The following LONP2 variants were observed in gnomAD, a reference collection of about 807,000 sequenced individuals.
LONP2 encodes lon protease homolog 2, peroxisomal.
In LONP2, 60 loss-of-function variants were observed where a neutral mutation model predicts 85.6. The ratio of observed to expected loss-of-function variants is 0.70; its 90% CI spans 0.57 to 0.87. The LOEUF is 0.87. Ranked by LOEUF, LONP2 falls within the 40% of genes least tolerant of loss-of-function variation. The pLI is 0.00. For missense variants in LONP2, 860 were observed against 1,063.5 expected, an observed-to-expected ratio of 0.81 and a Z score of 2.66; for synonymous variants, 395 against 389.7, an observed-to-expected ratio of 1.01 and a Z score of -0.16.
intron 11 of LONP2, among the ~76,000 whole-genome samples, chr16:48,312,793 G>T (rs1010629365): frequency 1.3e-5 from 2 of 152,202 alleles, no homozygotes; most frequent in East Asian, 3.9e-4. Flanking sequence ...CTGCAGATGA[G>T]CGTCAGCTGC....
Position 48,351,923 on chromosome 16 carries a change from A to T in LONP2, c.*121A>T. On this transcript the variant is annotated 3_prime_UTR_variant, in exon 15 of 15. Transcript: ENST00000285737. ...TCCCTGTTTTATAAACATAATCACA[A>T]CAGTAATAAACCTCAAGTAGTGGCT... 1.4e-6 allele frequency: 1 copy of T among 695,934 alleles called. No homozygotes were observed. The allele number at this position is 695,934 out of a possible 1,614,324, so 43.1% of individuals were successfully genotyped here.
At chr16:48,287,341 A>C (rs2150988921) in intron 8 of LONP2, among the ~76,000 whole-genome samples, 1 of 152,362 alleles carries the variant, frequency 6.6e-6, no homozygotes, top group African/African-American at 2.4e-5. Flanking sequence ...GGCTTTTCAA[A>C]GTCCCCATGA....
intron 12 of LONP2, among the ~76,000 whole-genome samples, chr16:48,341,955 C>G (rs1416097639): frequency 1.3e-5 from 2 of 152,150 alleles, no homozygotes; most frequent in African/African-American, 4.8e-5. Context: ...CCCTTTCACT[C>G]TGTCACTGGG....
Position 48,277,462 on chromosome 16 carries a change from G to A in LONP2, c.1366G>A (p.Ala456Thr), listed in dbSNP as rs774269697. The change falls in exon 8 of 15, where the codon GCA becomes ACA. Residue 456 changes from alanine (A) to threonine (T), a missense_variant. Ala to Thr is a moderately conservative substitution (Grantham distance 58, BLOSUM62 0). Coordinates refer to ENST00000285737, the MANE Select transcript of LONP2 (RefSeq NM_031490.5). Reference sequence around the variant, plus strand: ...GGGAAAAAGTCTACAGGGTGATCCAGCAGCAGCTCTGCTTGAGGTAAGATT... The same window carrying A: ...GGGAAAAAGTCTACAGGGTGATCCAACAGCAGCTCTGCTTGAGGTAAGATT... ...KLGKSLQGDPAAALLEVLDPE... is the reference protein window; with the variant it reads ...KLGKSLQGDPTAALLEVLDPE... The A allele has an allele frequency of 6.2e-7, 1 of 1,613,564 alleles. No homozygotes were observed.
In LONP2 at chr16:48,270,153, G is replaced by T. The variant is rs1159308440; in HGVS notation, c.1120G>T (p.Val374Phe). 2 of 1,614,048 alleles carry T rather than the reference G, an allele frequency of 1.2e-6. No homozygotes were observed. The highest frequency in any genetic ancestry group is 3.3e-5 in the Admixed American group (2 of 60,000). ...NNLKGPILCF[V>F]GPPGVGKTSV... ...CCTGAAGGGCCCAATCCTATGCTTT[G>T]TTGGCCCTCCTGGAGTTGGTAAAAC... is the stretch of plus-strand genomic sequence containing the variant. The change falls in exon 7 of 15, where the codon GTT becomes TTT. Residue 374 changes from valine (V) to phenylalanine (F), a missense_variant. Val to Phe is a conservative substitution (Grantham distance 50). Around this residue, in one of 3 missense-constraint regions of LONP2, gnomAD observed 743 missense variants for 917.3 expected, o/e 0.81. Coordinates refer to ENST00000285737, the MANE Select transcript of LONP2 (RefSeq NM_031490.5).
intron 8 of LONP2, among the ~76,000 whole-genome samples, chr16:48,291,394 C>A (rs1972554215): frequency 6.6e-6 from 1 of 152,182 alleles, no homozygotes; most frequent in South Asian, 2.1e-4. Flanking sequence ...GTGTAATGAA[C>A]TCTATGTAAT....
At chr16:48,361,061 AGTC>A (rs1960564705), downstream of LONP2, 2 of 152,670 alleles carry the variant, frequency 1.3e-5, no homozygotes, top group Non-Finnish European at 2.9e-5. Flanking sequence ...ATTACAGAAA[AGTC>A]AAATTTATTT....
chr16:48,326,445 G>C (rs1959240815), intron 11 of LONP2, among the ~76,000 whole-genome samples: 1 of 152,114 alleles, frequency 6.6e-6, no homozygotes, highest in East Asian at 1.9e-4. Flanking sequence ...GAACTCCTGG[G>C]ACTGGGCTTG....
At chr16:48,316,025 T>A (rs1973134627) in intron 11 of LONP2, among the ~76,000 whole-genome samples, 1 of 151,286 alleles carries the variant, frequency 6.6e-6, no homozygotes, top group Non-Finnish European at 1.5e-5. Context: ...TTTCTTTCTT[T>A]AAGACAGAGT....
At chr16:48,331,427 G>A (rs1421042199) in intron 11 of LONP2, among the ~76,000 whole-genome samples, 1 of 152,232 alleles carries the variant, frequency 6.6e-6, no homozygotes, top group Admixed American at 6.5e-5. Flanking sequence ...GATCAGGGAA[G>A]CTGTCCCTAG....
chr16:48,266,035 C>T (rs1286765814), intron 6 of LONP2, among the ~76,000 whole-genome samples: 1 of 152,004 alleles, frequency 6.6e-6, no homozygotes, highest in Non-Finnish European at 1.5e-5. Context: ...AGGAGTTTCA[C>T]TCTTGTCGCC....
At chr16:48,305,092 G>A (rs903285809) in intron 11 of LONP2, among the ~76,000 whole-genome samples, 2 of 152,100 alleles carry the variant, frequency 1.3e-5, no homozygotes, top group Non-Finnish European at 1.5e-5. Flanking sequence ...GCCTCCCCAC[G>A]CCTGGAACCT....
chr16:48,340,411 C>T (rs1959778222), intron 12 of LONP2, among the ~76,000 whole-genome samples: 2 of 152,160 alleles, frequency 1.3e-5, no homozygotes, highest in Non-Finnish European at 2.9e-5. Flanking sequence ...CCCCCAATCA[C>T]CAAAAAATCC....
chr16:48,292,367 C>CT (rs1567326366), intron 8 of LONP2, among the ~76,000 whole-genome samples: 1 of 152,006 alleles, frequency 6.6e-6, no homozygotes, highest in South Asian at 2.1e-4. Context: ...AGATATGTAG[C>CT]TTTTTTTGTC....
chr16:48,335,728 C>T (rs1959626647), intron 12 of LONP2, among the ~76,000 whole-genome samples: 1 of 152,168 alleles, frequency 6.6e-6, no homozygotes, highest in Non-Finnish European at 1.5e-5. Flanking sequence ...AGCCCCCAAG[C>T]CTGTCTTGTT....
chr16:48,312,795 G>A (rs1023391474), intron 11 of LONP2, among the ~76,000 whole-genome samples: 10 of 152,180 alleles, frequency 6.6e-5, no homozygotes, highest in Admixed American at 2.6e-4. Context: ...GCAGATGAGC[G>A]TCAGCTGCAA....
chr16:48,274,903 G>A (rs1049005297), intron 7 of LONP2, among the ~76,000 whole-genome samples: 1 of 152,054 alleles, frequency 6.6e-6, no homozygotes, highest in Non-Finnish European at 1.5e-5. Context: ...TTAACAGTTT[G>A]CATTATAGCC....
chr16:48,299,868 A>G (rs534422841), intron 10 of LONP2, 80 bp downstream of exon 10: 73 of 1,411,920 alleles, frequency 5.2e-5, no homozygotes, highest in Non-Finnish European at 6.9e-5. Context: ...GACATAGAGT[A>G]TCAATATTTG....
In LONP2 at chr16:48,261,490, G is replaced by T; in HGVS notation, c.790G>T (p.Asp264Tyr). Residue 264 changes from aspartate to tyrosine, a missense_variant, in exon 5 of 15, where the codon GAT becomes TAT. Transcript: ENST00000285737. ...ISGTLEDEDEDEDNDDIVMLE... is the reference protein window; with the variant it reads ...ISGTLEDEDEYEDNDDIVMLE... The stretch of plus-strand genomic sequence containing the variant: ...AGGTACTTTAGAAGATGAAGATGAA[G>T]ATGAAGATAATGATGACATTGTCAT... 6.2e-7 allele frequency: 1 copy of T among 1,607,880 alleles called. No homozygotes were observed. The highest frequency in any genetic ancestry group is 8.5e-7 in the Non-Finnish European group (1 of 1,176,648).
Sources: allele counts gnomAD v4.1 joint callset (sites outside exome capture counted in the v4.1 genomes callset), GRCh38; gene constraint gnomAD v4.1.1; regional missense constraint gnomAD v4.1.1; transcripts MANE v1.5; gene names NCBI Gene and HGNC (gene_info 2026-07-23, HGNC 2026-07-21).